Variants in CALN1 observed in about 807,000 individuals in gnomAD.
CALN1 encodes calneuron 1, also known as calcium-binding protein 8.
A neutral mutation model predicts 30.6 loss-of-function variants in CALN1; 17 were observed. The ratio of observed to expected loss-of-function variants is 0.56; its 90% CI spans 0.38 to 0.83. The LOEUF (loss-of-function observed/expected upper bound fraction) is 0.83. CALN1 is among the 40% of genes least tolerant of loss of function. The pLI is 0.00. For synonymous variants in CALN1, 156 were observed against 131.4 expected (o/e 1.19, Z -1.28); for missense variants, 291 against 354.9 (o/e 0.82, Z 1.45).
intron 3 of CALN1, among the ~76,000 whole-genome samples, chr7:72,194,678 G>A (rs1052640734): frequency 9.8e-5 from 14 of 143,126 alleles, no homozygotes; most frequent in African/African-American, 3.6e-4. Flanking sequence ...TGAAACCTCT[G>A]CCCCCTGGGT....
chr7:71,976,378 C>A (rs939746543), intron 5 of CALN1, among the ~76,000 whole-genome samples: 4 of 152,142 alleles, frequency 2.6e-5, no homozygotes, highest in Admixed American at 2.6e-4. Context: ...TGGTCTTGGG[C>A]CACACATTCC....
chr7:72,266,558 G>T (rs968225448), intron 3 of CALN1, among the ~76,000 whole-genome samples: 5 of 152,140 alleles, frequency 3.3e-5, no homozygotes, highest in Non-Finnish European at 5.9e-5. Context: ...CTTCCTCCCT[G>T]TGTGTGGATT....
intron 5 of CALN1, among the ~76,000 whole-genome samples, chr7:71,981,656 G>C (rs844702): frequency 0.18 from 27,843 of 151,024 alleles, 4,444 homozygotes; most frequent in African/African-American, 0.42. Context: ...GACCCTGTCT[G>C]AAATGAAAAA....
intron 5 of CALN1, among the ~76,000 whole-genome samples, chr7:71,840,429 G>A (rs1357200736): frequency 1.4e-5 from 2 of 140,482 alleles, no homozygotes; most frequent in Non-Finnish European, 3.0e-5. Flanking sequence ...CAGCTGCAAT[G>A]AGCTACGATT....
At chr7:72,372,510 A>G (rs1804306151) in intron 2 of CALN1, among the ~76,000 whole-genome samples, 1 of 152,166 alleles carries the variant, frequency 6.6e-6, no homozygotes, top group African/African-American at 2.4e-5. Flanking sequence ...TGCTAAAGTA[A>G]CTACTTTGAG....
intron 5 of CALN1, among the ~76,000 whole-genome samples, chr7:71,842,109 A>G (rs1175479184): frequency 6.6e-6 from 1 of 152,156 alleles, no homozygotes; most frequent in Non-Finnish European, 1.5e-5. Flanking sequence ...CATATCTCAC[A>G]TAGGGAGGCT....
At chr7:71,918,748 T>C (rs930908779) in intron 5 of CALN1, among the ~76,000 whole-genome samples, 1 of 152,166 alleles carries the variant, frequency 6.6e-6, no homozygotes, top group Non-Finnish European at 1.5e-5. Flanking sequence ...GGAAAGGTCA[T>C]TCCTACTGTC....
chr7:72,487,702 GA>G, the CALN1 span, among the ~76,000 whole-genome samples: 29 of 70,350 alleles, frequency 4.1e-4, no homozygotes, highest in African/African-American at 1.9e-3. Context: ...AAGAAAGAAA[GA>G]AAAGAAAAGA....
the CALN1 span, among the ~76,000 whole-genome samples, chr7:72,501,948 T>TATATATATACAC: frequency 0.013 from 955 of 72,256 alleles, 56 homozygotes; most frequent in East Asian, 0.045. Flanking sequence ...TATATATATA[T>TATATATATACAC]ACACACATAT....
chr7:72,234,950 C>T (rs891344631), intron 3 of CALN1, among the ~76,000 whole-genome samples: 3 of 152,134 alleles, frequency 2.0e-5, no homozygotes, highest in African/African-American at 7.2e-5. Flanking sequence ...TTAAAACTTG[C>T]TTTAAAGAAA....
intron 2 of CALN1, among the ~76,000 whole-genome samples, chr7:72,300,168 C>T (rs371910584): frequency 2.0e-5 from 3 of 152,308 alleles, no homozygotes; most frequent in East Asian, 3.9e-4. Context: ...GCATGAGCCA[C>T]CATGCCCAGC....
chr7:72,190,311 G>A (rs138959576), intron 3 of CALN1, among the ~76,000 whole-genome samples: 96 of 152,226 alleles, frequency 6.3e-4, no homozygotes, highest in African/African-American at 2.1e-3. Flanking sequence ...AGATTGCACC[G>A]CTGCACTCCA....
chr7:71,855,116 A>G (rs1028236040), intron 5 of CALN1, among the ~76,000 whole-genome samples: 6 of 152,238 alleles, frequency 3.9e-5, no homozygotes, highest in Non-Finnish European at 7.3e-5. Context: ...TAAAGAAGAA[A>G]GGGATATGGA....
chr7:72,117,582 G>A (rs995525230), intron 3 of CALN1, among the ~76,000 whole-genome samples: 3 of 152,106 alleles, frequency 2.0e-5, no homozygotes, highest in African/African-American at 4.8e-5. Context: ...CAGGGTGCTT[G>A]GGGGTCCCTT....
At chr7:72,239,340 A>C (rs917678288) in intron 3 of CALN1, among the ~76,000 whole-genome samples, 2 of 151,978 alleles carry the variant, frequency 1.3e-5, no homozygotes, top group African/African-American at 4.8e-5. Context: ...AGGCTATAAT[A>C]AGCTATGATT....
intron 5 of CALN1, among the ~76,000 whole-genome samples, chr7:71,901,051 G>A (rs1038022894): frequency 3.3e-5 from 5 of 152,082 alleles, no homozygotes; most frequent in African/African-American, 1.2e-4. Flanking sequence ...CCAGCTATCC[G>A]AGTGTACTTT....
chr7:72,182,581 G>A (rs552146178), intron 3 of CALN1, among the ~76,000 whole-genome samples: 24 of 151,998 alleles, frequency 1.6e-4, no homozygotes, highest in Admixed American at 2.6e-4. Flanking sequence ...TTAGTTAGAC[G>A]TGGTGGCACA....
At chr7:72,395,242 A>T (rs1394659537) in intron 2 of CALN1, among the ~76,000 whole-genome samples, 2 of 152,132 alleles carry the variant, frequency 1.3e-5, no homozygotes, top group Non-Finnish European at 2.9e-5. Flanking sequence ...TATGTCAGTT[A>T]TCTATCATTT....
At chr7:72,286,958 A>C (rs919843662) in intron 2 of CALN1, among the ~76,000 whole-genome samples, 2 of 152,214 alleles carry the variant, frequency 1.3e-5, no homozygotes, top group African/African-American at 4.8e-5. Flanking sequence ...CAAAAAGAAA[A>C]GGCAATAAGC....
Sources: allele counts gnomAD v4.1 joint callset (sites outside exome capture counted in the v4.1 genomes callset), GRCh38; gene constraint gnomAD v4.1.1; transcripts MANE v1.5; gene names NCBI Gene and HGNC (gene_info 2026-07-23, HGNC 2026-07-21).